NEDD9: variants seen among roughly 807,000 people sequenced by gnomAD.
NEDD9 encodes the protein neural precursor cell expressed, developmentally down-regulated 9.
A neutral mutation model predicts 76.6 loss-of-function variants in NEDD9; 26 were observed. The observed-to-expected ratio is 0.34, with a 90% CI of 0.25 to 0.47. The LOEUF (loss-of-function observed/expected upper bound fraction) is 0.47. NEDD9 is among the 20% of genes least tolerant of loss of function. The pLI is 1.00. For synonymous variants in NEDD9, 392 were observed against 414.2 expected (o/e 0.95, Z 0.65); for missense variants, 937 against 1,058.5 (o/e 0.89, Z 1.59).
chr6:11,187,459 T>C (rs374029173), intron 6 of NEDD9, among the ~76,000 whole-genome samples: 2 of 152,126 alleles, frequency 1.3e-5, no homozygotes, highest in Non-Finnish European at 2.9e-5. Flanking sequence ...TGAATTCTGC[T>C]CTCCTACCTT....
At chr6:11,274,682 C>T (rs1760383038) in intron 3 of NEDD9, among the ~76,000 whole-genome samples, 1 of 152,166 alleles carries the variant, frequency 6.6e-6, no homozygotes, top group African/African-American at 2.4e-5. Context: ...GTTAGAATTG[C>T]TATTACCAAA....
At chr6:11,350,624 C>T (rs978921850) in intron 1 of NEDD9, among the ~76,000 whole-genome samples, 9 of 152,164 alleles carry the variant, frequency 5.9e-5, no homozygotes, top group African/African-American at 1.2e-4. Context: ...TCTTAGAGGT[C>T]GGCGAGCTTG....
rs1377683716 is a variant in NEDD9, at chr6:11,365,715, C to T, written c.-214+16424G>A. 3.9e-5 allele frequency among the ~76,000 whole-genome samples: 6 copies of T among 152,286 alleles called. No homozygotes were observed. The South Asian group carries it at 6.2e-4, about 16-fold the overall frequency. On this transcript the variant is annotated intron_variant, in intron 1 of 3. Coordinates refer to the NEDD9 transcript ENST00000397378. Reference sequence around the variant, plus strand: ...AGAAAGAAAATAAAATGGGGCCGGGCGCAGTGGCTCACGCCTGTAATCCCA... The same window carrying T: ...AGAAAGAAAATAAAATGGGGCCGGGTGCAGTGGCTCACGCCTGTAATCCCA...
intron 1 of NEDD9, among the ~76,000 whole-genome samples, chr6:11,372,940 A>C (rs984411201): frequency 2.0e-5 from 3 of 152,206 alleles, no homozygotes; most frequent in African/African-American, 7.2e-5. Context: ...AGTTCTAAAC[A>C]ACATAAACCA....
At chr6:11,355,066 C>T (rs1762540741) in intron 1 of NEDD9, among the ~76,000 whole-genome samples, 2 of 152,194 alleles carry the variant, frequency 1.3e-5, no homozygotes, top group Non-Finnish European at 1.5e-5. Context: ...CTGACTAATA[C>T]ACAGATCTCA....
intron 3 of NEDD9, among the ~76,000 whole-genome samples, chr6:11,277,742 T>C (rs77015102): frequency 0.054 from 8,230 of 152,228 alleles, 223 homozygotes; most frequent in Middle Eastern, 0.14. Context: ...TGTGGGAACT[T>C]GAGGGGCAAT....
intron 2 of NEDD9, chr6:11,200,493 C>T: frequency 9.3e-7 from 1 of 1,074,072 alleles, no homozygotes; most frequent in Non-Finnish European, 1.1e-6. Flanking sequence ...AGGAACAAGA[C>T]AAGCAACAGT....
intron 3 of NEDD9, among the ~76,000 whole-genome samples, chr6:11,290,402 A>T (rs1760739067): frequency 6.6e-6 from 1 of 152,170 alleles, no homozygotes; most frequent in Admixed American, 6.5e-5. Context: ...CAAATAAAGC[A>T]TTATGGGGTA....
chr6:11,342,204 A>G (rs1204379057), intron 1 of NEDD9, among the ~76,000 whole-genome samples: 1 of 152,178 alleles, frequency 6.6e-6, no homozygotes, highest in Non-Finnish European at 1.5e-5. Flanking sequence ...ATGGAACAAT[A>G]TCAGACAGTC....
chr6:11,309,429 C>T (rs1761299148), intron 2 of NEDD9, among the ~76,000 whole-genome samples: 1 of 152,204 alleles, frequency 6.6e-6, no homozygotes. Flanking sequence ...TTCCCTCCAT[C>T]CCTCCCTGCC....
intron 3 of NEDD9, among the ~76,000 whole-genome samples, chr6:11,270,502 T>G (rs1381174765): frequency 3.3e-5 from 5 of 152,182 alleles, no homozygotes; most frequent in African/African-American, 1.2e-4. Context: ...GCAGACACTT[T>G]TATGACAGCT....
Position 11,202,969 on chromosome 6 carries a change from G to A in NEDD9, c.460-9277C>T, listed in dbSNP as rs371992599. 5.9e-5 allele frequency among the ~76,000 whole-genome samples: 9 copies of A among 152,322 alleles called. No individual in the cohort carries two copies. In the East Asian group the frequency reaches 1.3e-3, roughly 23 times the overall value. On this transcript the variant is annotated intron_variant, in intron 2 of 6. Transcript: ENST00000379446. ...TCCTGGGTCACTTTCATTTGACACAGCGTTGGGCAGCAAACCCGCTCAATG... is the reference window on the plus strand; with the variant it reads ...TCCTGGGTCACTTTCATTTGACACAACGTTGGGCAGCAAACCCGCTCAATG...
intron 3 of NEDD9, among the ~76,000 whole-genome samples, chr6:11,297,151 T>C (rs1760919534): frequency 6.6e-6 from 1 of 151,226 alleles, no homozygotes; most frequent in Non-Finnish European, 1.5e-5. Flanking sequence ...TTTTTTTGGT[T>C]TTCATTTTTT....
intron 2 of NEDD9, among the ~76,000 whole-genome samples, chr6:11,194,145 T>C (rs1014019825): frequency 6.6e-6 from 1 of 152,080 alleles, no homozygotes; most frequent in African/African-American, 2.4e-5. Flanking sequence ...TGTGAGCCAC[T>C]GCATCTGGCC....
chr6:11,369,832 G>C (rs992721390), intron 1 of NEDD9, among the ~76,000 whole-genome samples: 1 of 152,052 alleles, frequency 6.6e-6, no homozygotes, highest in African/African-American at 2.4e-5. Flanking sequence ...TCCAAAGTGT[G>C]GATTGCCAAA....
intron 3 of NEDD9, among the ~76,000 whole-genome samples, chr6:11,268,053 A>G (rs2113336658): frequency 6.6e-6 from 1 of 152,202 alleles, no homozygotes; most frequent in Admixed American, 6.5e-5. Context: ...TGTTTCAGAC[A>G]GGGCCCCACT....
intron 2 of NEDD9, chr6:11,200,627 C>T (rs969773922): frequency 1.3e-5 from 15 of 1,113,592 alleles, no homozygotes; most frequent in Non-Finnish European, 1.7e-5. Context: ...TTAATCATTC[C>T]TAAATTTAAG....
intron 3 of NEDD9, among the ~76,000 whole-genome samples, chr6:11,302,471 A>G (rs1483224410): frequency 6.6e-6 from 1 of 152,198 alleles, no homozygotes; most frequent in African/African-American, 2.4e-5. Flanking sequence ...TTCTGAAACT[A>G]TTTCAATCAA....
At chr6:11,237,007 C>T (rs1373830085), upstream of NEDD9, among the ~76,000 whole-genome samples, 2 of 152,152 alleles carry the variant, frequency 1.3e-5, no homozygotes, top group African/African-American at 2.4e-5. This position sits in a 1 kb window ranked among gnomAD's most constrained non-coding sequence, Gnocchi z 4.9. Flanking sequence ...CTGACTTGCA[C>T]AGGCAGGCCC....
Sources: allele counts gnomAD v4.1 joint callset (sites outside exome capture counted in the v4.1 genomes callset), GRCh38; gene constraint gnomAD v4.1.1; non-coding constraint Gnocchi (gnomAD v3.1); transcripts MANE v1.5; gene names NCBI Gene and HGNC (gene_info 2026-07-23, HGNC 2026-07-21).